The following ADCY8 variants were observed in gnomAD, a reference collection of about 807,000 sequenced individuals.
The protein encoded by ADCY8 is adenylate cyclase 8, also known as adenylate cyclase type 8.
A neutral mutation model predicts 119.7 loss-of-function variants in ADCY8; 51 were observed. That is an observed-to-expected ratio of 0.43 (90% CI 0.34 to 0.54). The LOEUF (loss-of-function observed/expected upper bound fraction) is 0.54. Among genes scored for constraint, ADCY8 ranks in the 20% least tolerant of loss-of-function variants. The pLI, the probability that ADCY8 is intolerant of heterozygous loss-of-function variation, is 0.03. For missense variants in ADCY8, 1,383 were observed against 1,598.8 expected (o/e 0.87, Z 2.30); for synonymous variants, 665 against 651.0 (o/e 1.02, Z -0.33).
At chr8:130,805,252 A>G (rs938550929) in intron 14 of ADCY8, among the ~76,000 whole-genome samples, 4 of 152,210 alleles carry the variant, frequency 2.6e-5, no homozygotes, top group African/African-American at 9.6e-5. Flanking sequence ...CCCTTATTTC[A>G]TCTATGGGGA....
At chr8:131,010,216 T>C (rs1823257404) in intron 1 of ADCY8, among the ~76,000 whole-genome samples, 1 of 152,230 alleles carries the variant, frequency 6.6e-6, no homozygotes, top group South Asian at 2.1e-4. Flanking sequence ...AACACTTCCT[T>C]GAACATTCGA....
chr8:131,013,649 G>C (rs1823380132), intron 1 of ADCY8, among the ~76,000 whole-genome samples: 1 of 152,190 alleles, frequency 6.6e-6, no homozygotes, highest in Non-Finnish European at 1.5e-5. Context: ...AGTTTTTGGT[G>C]TGAGCATGAA....
chr8:130,815,164 C>A (rs1816297716), intron 13 of ADCY8, among the ~76,000 whole-genome samples: 1 of 152,182 alleles, frequency 6.6e-6, no homozygotes, highest in Non-Finnish European at 1.5e-5. Flanking sequence ...AAGCAGGTAG[C>A]CAGCCATCTG....
Position 130,908,891 on chromosome 8 carries a change from T to G in ADCY8, c.1640+817A>C, listed in dbSNP as rs144278064. 2.6e-5 allele frequency among the ~76,000 whole-genome samples: 4 copies of G among 152,260 alleles called. No homozygotes were observed. The East Asian group carries it at 7.7e-4, about 29-fold the overall frequency. Reference sequence around the variant, plus strand: ...CCCATGATAACATATTACTTGATATTAAACATAGTTTGCAAGGAGTGATGG... The same window carrying G: ...CCCATGATAACATATTACTTGATATGAAACATAGTTTGCAAGGAGTGATGG... On this transcript the variant is annotated intron_variant, in intron 6 of 17. Coordinates refer to ENST00000286355, the MANE Select transcript of ADCY8 (RefSeq NM_001115.3).
intron 12 of ADCY8, among the ~76,000 whole-genome samples, chr8:130,827,148 G>A (rs1816694186): frequency 6.6e-6 from 1 of 152,208 alleles, no homozygotes; most frequent in South Asian, 2.1e-4. Context: ...TGATATAGGA[G>A]TTAAGAAGAA....
chr8:130,817,035 C>T (rs961611332), intron 13 of ADCY8, among the ~76,000 whole-genome samples: 1 of 152,112 alleles, frequency 6.6e-6, no homozygotes, highest in Non-Finnish European at 1.5e-5. Flanking sequence ...TGATGACATG[C>T]TGCCAGAGGG....
chr8:130,999,677 A>G (rs955447036), intron 1 of ADCY8, among the ~76,000 whole-genome samples: 21 of 152,210 alleles, frequency 1.4e-4, no homozygotes, highest in African/African-American at 5.1e-4. Context: ...AAGGCTAGAA[A>G]GGCCTGCTTT....
At chr8:130,867,531 A>G (rs1415460831) in intron 9 of ADCY8, among the ~76,000 whole-genome samples, 1 of 151,256 alleles carries the variant, frequency 6.6e-6, no homozygotes, top group African/African-American at 2.5e-5. Flanking sequence ...TAACAAAAGC[A>G]CAAGTAAATG....
intron 2 of ADCY8, among the ~76,000 whole-genome samples, chr8:130,988,902 C>A (rs1452573522): frequency 6.6e-6 from 1 of 152,192 alleles, no homozygotes; most frequent in African/African-American, 2.4e-5. Flanking sequence ...AACTCACCCA[C>A]AATTTCAGCT....
intron 8 of ADCY8, among the ~76,000 whole-genome samples, chr8:130,873,711 A>G (rs1424094074): frequency 1.3e-5 from 2 of 152,176 alleles, no homozygotes; most frequent in Non-Finnish European, 2.9e-5. Context: ...ATCTTTACTA[A>G]TGCCAGTTTA....
At chr8:130,824,816 G>A (rs1816624939) in intron 12 of ADCY8, among the ~76,000 whole-genome samples, 1 of 152,148 alleles carries the variant, frequency 6.6e-6, no homozygotes, top group Admixed American at 6.5e-5. Context: ...TCAAGATGGT[G>A]AAAGCAGGGC....
Position 130,990,453 on chromosome 8 carries a change from G to A in ADCY8, c.1050C>T (p.Phe350=), listed in dbSNP as rs764754707. 3.1e-6 allele frequency: 5 copies of A among 1,614,202 alleles called. No homozygotes were observed. Among genetic ancestry groups the A allele is most frequent in the Admixed American group, 3.3e-5 (2 of 60,022 alleles). Residue 350 remains phenylalanine (F), a synonymous_variant, in exon 2 of 18, where the codon TTC becomes TTT. Transcript: ENST00000286355. ...YLSDRAQRQA[F]LETRRCVEAR... ...CCTCCACACACCTCCGAGTCTCCAGGAAAGCTTGGCGCTGGGCCCGGTCTG... is the reference window on the plus strand; with the variant it reads ...CCTCCACACACCTCCGAGTCTCCAGAAAAGCTTGGCGCTGGGCCCGGTCTG...
intron 14 of ADCY8, among the ~76,000 whole-genome samples, chr8:130,810,327 T>C (rs1816121880): frequency 6.8e-6 from 1 of 147,224 alleles, no homozygotes; most frequent in Non-Finnish European, 1.5e-5. Context: ...ATTGTATGAC[T>C]CTGTCTTTCT....
chr8:130,953,728 A>T (rs1244931458), intron 2 of ADCY8, among the ~76,000 whole-genome samples: 1 of 152,206 alleles, frequency 6.6e-6, no homozygotes, highest in Admixed American at 6.5e-5. Context: ...ATTCAATGCA[A>T]TAAAATATGT....
intron 9 of ADCY8, among the ~76,000 whole-genome samples, chr8:130,850,427 G>A (rs540260486): frequency 6.6e-6 from 1 of 152,266 alleles, no homozygotes; most frequent in East Asian, 1.9e-4. Flanking sequence ...CTCGGTGTCA[G>A]GATGCTTAGT....
intron 2 of ADCY8, among the ~76,000 whole-genome samples, chr8:130,955,852 G>A (rs1025223722): frequency 3.3e-5 from 5 of 152,302 alleles, no homozygotes; most frequent in East Asian, 1.9e-4. Flanking sequence ...GAAGTTAAAT[G>A]TGTAGAGCCA....
At chr8:131,001,536 CTAA>C (rs1370678404) in intron 1 of ADCY8, among the ~76,000 whole-genome samples, 10 of 148,666 alleles carry the variant, frequency 6.7e-5, no homozygotes, top group African/African-American at 2.5e-4. Context: ...GTGTGTATAT[CTAA>C]TATATATACA....
chr8:130,785,686 A>T (rs1448850200), intron 15 of ADCY8, among the ~76,000 whole-genome samples: 1 of 152,184 alleles, frequency 6.6e-6, no homozygotes, highest in Non-Finnish European at 1.5e-5. Flanking sequence ...ATGGGTGTAA[A>T]TTGGTACTCT....
chr8:130,905,995 T>C (rs1168503208), intron 6 of ADCY8, among the ~76,000 whole-genome samples: 2 of 152,248 alleles, frequency 1.3e-5, no homozygotes, highest in Admixed American at 6.5e-5. Flanking sequence ...GCAAAGAACA[T>C]GTGAAAAACC....
Sources: gnomAD v4.1 joint callset for allele counts (sites outside exome capture counted in the v4.1 genomes callset) on GRCh38, gnomAD v4.1.1 for gene constraint, MANE v1.5 for transcripts, NCBI Gene and HGNC (gene_info 2026-07-23, HGNC 2026-07-21) for gene names.